The following DGKI variants were observed in gnomAD, a reference collection of about 807,000 sequenced individuals.
DGKI encodes the protein DAG kinase iota.
DGKI carries 55 observed loss-of-function variants against 147.5 expected under a neutral mutation model. The observed-to-expected ratio is 0.37, with a 90% CI of 0.30 to 0.47. The LOEUF is 0.47. Ranked by LOEUF, DGKI falls within the 20% of genes least tolerant of loss-of-function variation. The pLI is 1.00. For missense variants in DGKI, 1,007 were observed against 1,323.8 expected (o/e 0.76, Z 3.71); for synonymous variants, 469 against 477.1 (o/e 0.98, Z 0.22).
intron 1 of DGKI, among the ~76,000 whole-genome samples, chr7:137,754,960 T>C (rs1396537150): frequency 1.3e-5 from 2 of 152,236 alleles, no homozygotes; most frequent in East Asian, 3.8e-4. Flanking sequence ...ACGCATACTT[T>C]AAAACGTCTG....
chr7:137,445,850 A>T (rs1361067746), intron 27 of DGKI, among the ~76,000 whole-genome samples: 1 of 152,136 alleles, frequency 6.6e-6, no homozygotes, highest in Non-Finnish European at 1.5e-5. Flanking sequence ...AAACACAGGC[A>T]CCCATATTCT....
At position 137,535,092 on chromosome 7, in the gene DGKI, C is replaced by A. The variant is rs145802934; in HGVS notation, c.2148-13126G>T. 3.9e-3 allele frequency among the ~76,000 whole-genome samples: 601 copies of A among 152,204 alleles called. 6 individuals carry two copies. The highest frequency in any genetic ancestry group is 0.014 in the African/African-American group (580 of 41,548). Reference sequence around the variant, plus strand: ...TCCAGAACTGTAACGAAATAAATTTCTGTTGTTTTAGCCACCCACTCTGTG... The same window carrying A: ...TCCAGAACTGTAACGAAATAAATTTATGTTGTTTTAGCCACCCACTCTGTG... On this transcript the variant is annotated intron_variant, in intron 20 of 32. Transcript: ENST00000614521.
chr7:137,407,781 GA>G, intron 30 of DGKI, 93 bp downstream of exon 30: 1 of 1,523,600 alleles, frequency 6.6e-7, no homozygotes, highest in Non-Finnish European at 8.9e-7. Context: ...CTGCCATTCT[GA>G]AAACTGCCTG....
chr7:137,557,665 G>A (rs1525044), intron 19 of DGKI, among the ~76,000 whole-genome samples: 16,614 of 152,172 alleles, frequency 0.11, 2,045 homozygotes, highest in African/African-American at 0.3. Context: ...GCAATAGCTA[G>A]TAATTCCTTT....
Position 137,407,911 on chromosome 7 carries a change from C to T in DGKI, c.2884G>A (p.Gly962Ser), listed in dbSNP as rs1019720808. The T allele has an allele frequency of 5.0e-6, 8 of 1,613,970 alleles. No individual in the cohort carries two copies. The highest frequency in any genetic ancestry group is 1.3e-5 in the African/African-American group (1 of 74,914). ...CSLLHYAAKT[G>S]NGEIVKYILD... ...ATATATTTCACAATCTCCCCGTTGCCGGTTTTAGCTGCGTAGTGAAGGAGT... is the reference window on the plus strand; with the variant it reads ...ATATATTTCACAATCTCCCCGTTGCTGGTTTTAGCTGCGTAGTGAAGGAGT... The change falls in exon 30 of 33, where the codon GGC becomes AGC. Residue 962 changes from glycine to serine, a missense_variant. Physicochemically the swap from Gly to Ser is moderately conservative, Grantham distance 56. Coordinates refer to ENST00000614521, the MANE Select transcript of DGKI (RefSeq NM_001321708.2).
At chr7:137,448,183 C>T (rs1213961971) in intron 27 of DGKI, among the ~76,000 whole-genome samples, 2 of 151,850 alleles carry the variant, frequency 1.3e-5, no homozygotes, top group African/African-American at 2.4e-5. Flanking sequence ...CAGAAGTAGA[C>T]CCAAACCTAG....
intron 28 of DGKI, among the ~76,000 whole-genome samples, chr7:137,442,168 T>C (rs1813535551): frequency 6.6e-6 from 1 of 152,226 alleles, no homozygotes; most frequent in African/African-American, 2.4e-5. Context: ...AGAAATTTTT[T>C]GAAGCCATGA....
intron 3 of DGKI, among the ~76,000 whole-genome samples, chr7:137,669,243 C>T (rs1409802940): frequency 6.6e-6 from 1 of 152,150 alleles, no homozygotes; most frequent in African/African-American, 2.4e-5. Context: ...GAATATGTAT[C>T]CACCTCATCA....
intron 3 of DGKI, among the ~76,000 whole-genome samples, chr7:137,675,811 T>C (rs1823017132): frequency 6.6e-6 from 1 of 152,194 alleles, no homozygotes; most frequent in Non-Finnish European, 1.5e-5. Flanking sequence ...TGTTTGTTTA[T>C]TGTTATAAAG....
intron 23 of DGKI, among the ~76,000 whole-genome samples, chr7:137,483,320 G>A (rs1051365997): frequency 3.9e-5 from 6 of 152,014 alleles, no homozygotes; most frequent in Admixed American, 1.3e-4. Context: ...AGTTTTAAAG[G>A]TTCAAAATGT....
chr7:137,723,797 C>G (rs765532356), intron 1 of DGKI, among the ~76,000 whole-genome samples: 1 of 150,288 alleles, frequency 6.7e-6, no homozygotes, highest in Non-Finnish European at 1.5e-5. Flanking sequence ...GCAAACTCCG[C>G]CTCCTGGGCT....
chr7:137,754,901 C>T (rs145618854), intron 1 of DGKI, among the ~76,000 whole-genome samples: 7 of 152,234 alleles, frequency 4.6e-5, no homozygotes, highest in Non-Finnish European at 7.4e-5. Flanking sequence ...AAATATCACA[C>T]GTGATGGAAC....
Position 137,846,774 on chromosome 7 carries a change from G to A in DGKI, c.89C>T (p.Ala30Val), listed in dbSNP as rs1486649751. ...ARAPAAAAAA[A>V]ASPPGPCSGA... ...GCTGCAGGGGCCGGGCGGGCTGGCG[G>A]CGGCGGCGGCGGCGGCTGCAGGAGC... is the stretch of plus-strand genomic sequence containing the variant. Residue 30 changes from alanine (A) to valine (V), a missense_variant, in exon 1 of 33, where the codon GCC becomes GTC. Ala to Val is a moderately conservative substitution (Grantham distance 64, BLOSUM62 0). Transcript: ENST00000614521. This position sits in a 1 kb window ranked among gnomAD's most constrained non-coding sequence, Gnocchi z 4.0. 3.8e-6 allele frequency: 4 copies of A among 1,062,896 alleles called. No homozygotes were observed. Among genetic ancestry groups the A allele is most frequent in the South Asian group, 8.8e-5 (2 of 22,806 alleles). The allele number at this position is 1,062,896 out of a possible 1,614,324, so 65.8% of individuals were successfully genotyped here. A position where few individuals can be genotyped will look rare whatever the true frequency, so the allele number is the denominator to read the frequency against.
intron 21 of DGKI, among the ~76,000 whole-genome samples, chr7:137,499,162 G>A (rs375181455): frequency 2.0e-5 from 3 of 152,158 alleles, no homozygotes; most frequent in South Asian, 4.1e-4. Context: ...GGATGCATAC[G>A]TTGGTGGTAA....
chr7:137,461,477 A>T (rs1194849260), intron 27 of DGKI, among the ~76,000 whole-genome samples: 1 of 152,252 alleles, frequency 6.6e-6, no homozygotes, highest in Non-Finnish European at 1.5e-5. Flanking sequence ...AAATAAAAAG[A>T]TATTCTAAGA....
In DGKI at chr7:137,389,808, G is replaced by C. The variant is rs2128891552; in HGVS notation, c.*1412C>G. ...AGACATTTCTGGCTAGATTCCAATG[G>C]TGGTTTGCACTAAGGACTTTCTGAA... On this transcript the variant is annotated 3_prime_UTR_variant, in exon 33 of 33. Coordinates refer to ENST00000614521, the MANE Select transcript of DGKI (RefSeq NM_001321708.2). The C allele has an allele frequency of 6.7e-6, 1 of 149,448 alleles. No homozygotes were observed. The highest frequency in any genetic ancestry group is 2.4e-5 in the African/African-American group (1 of 41,334). 9.3% of individuals were successfully genotyped at this position (149,448 alleles called of 1,614,324 possible). A position where few individuals can be genotyped will look rare whatever the true frequency, so the allele number is the denominator to read the frequency against.
At chr7:137,730,496 T>C (rs1255588028) in intron 1 of DGKI, among the ~76,000 whole-genome samples, 4 of 152,120 alleles carry the variant, frequency 2.6e-5, no homozygotes, top group Non-Finnish European at 5.9e-5. Flanking sequence ...ATCTTTGTAA[T>C]GGCTTTCTAA....
chr7:137,791,898 C>T (rs547757559), intron 1 of DGKI, among the ~76,000 whole-genome samples: 7 of 152,288 alleles, frequency 4.6e-5, no homozygotes, highest in East Asian at 3.9e-4. Context: ...TGTACACATG[C>T]GCAGTTGAAT....
intron 21 of DGKI, among the ~76,000 whole-genome samples, chr7:137,514,185 G>T (rs552428357): frequency 6.6e-6 from 1 of 152,046 alleles, no homozygotes; most frequent in African/African-American, 2.4e-5. Context: ...ATTTGTGGCC[G>T]AGTGTAACAA....
Sources: gnomAD v4.1 joint callset for allele counts (sites outside exome capture counted in the v4.1 genomes callset) on GRCh38, gnomAD v4.1.1 for gene constraint, Gnocchi (gnomAD v3.1) non-coding constraint, MANE v1.5 for transcripts, NCBI Gene and HGNC (gene_info 2026-07-23, HGNC 2026-07-21) for gene names.